COL5A1: variants seen among roughly 807,000 people sequenced by gnomAD.
COL5A1 encodes collagen type V alpha 1 chain.
Under a neutral mutation model 263.7 loss-of-function variants are expected in COL5A1, and 16 were observed. That is an observed-to-expected ratio of 0.06 (90% CI 0.04 to 0.09). The LOEUF is 0.09. COL5A1 is among the 10% of genes least tolerant of loss of function. The probability of loss-of-function intolerance (pLI) is 1.00; values close to 1 mark genes in which losing one functional copy is unlikely to be tolerated. For missense variants in COL5A1, 2,036 were observed against 2,540.5 expected (o/e 0.80, Z 4.27); for synonymous variants, 1,012 against 1,004.5 (o/e 1.01, Z -0.14).
At chr9:134,816,935 G>C in intron 52 of COL5A1, 91 bp from the exon 53 acceptor site, 1 of 1,183,990 alleles carries the variant, frequency 8.4e-7, no homozygotes, top group Non-Finnish European at 1.3e-6. Flanking sequence ...GCTGGCCGAG[G>C]AGTAAATAGA....
In COL5A1 at chr9:134,818,536, C is replaced by T. The variant is rs1189893772; in HGVS notation, c.4231-120C>T. On this transcript the variant is annotated intron_variant, in intron 54 of 65. Transcript: ENST00000371817. The surrounding 1 kb of genome is among the most constrained non-coding windows in gnomAD (Gnocchi z 6.0). ...GAAATGTGGAGAATTAGGGCAACCC[C>T]GGATATGGGGTCACCTGGGACTCCT... is the stretch of plus-strand genomic sequence containing the variant. 6 of 725,668 alleles carry T rather than the reference C, an allele frequency of 8.3e-6. No homozygotes were observed. The highest frequency in any genetic ancestry group is 3.5e-5 in the African/African-American group (2 of 56,508). 45.0% of individuals were successfully genotyped at this position (725,668 alleles called of 1,614,324 possible).
chr9:134,787,579 T>C (rs1035432564), intron 31 of COL5A1, among the ~76,000 whole-genome samples: 4 of 152,224 alleles, frequency 2.6e-5, no homozygotes, highest in African/African-American at 9.6e-5. Flanking sequence ...TGTTTGGATA[T>C]TCACCAGGTC....
At chr9:134,667,469 G>A (rs1832394681) in intron 1 of COL5A1, among the ~76,000 whole-genome samples, 1 of 152,178 alleles carries the variant, frequency 6.6e-6, no homozygotes, top group Non-Finnish European at 1.5e-5. Flanking sequence ...CTTGGAAGTG[G>A]TGTGGCCGGT....
intron 32 of COL5A1, among the ~76,000 whole-genome samples, chr9:134,790,505 C>CCCACCCAT (rs1837644446): frequency 3.7e-5 from 3 of 80,882 alleles, no homozygotes; most frequent in East Asian, 5.2e-4. Context: ...CACCCACCCA[C>CCCACCCAT]CCACCCATCC....
Position 134,806,203 on chromosome 9 carries a change from G to T in COL5A1, c.3273G>T (p.Glu1091Asp). 1 of 1,550,754 alleles carries T rather than the reference G, an allele frequency of 6.4e-7. No individual in the cohort carries two copies. The change falls in exon 42 of 66, where the codon GAG (glutamate) becomes GAT (aspartate). Residue 1091 changes from glutamate to aspartate, a missense_variant. Around this residue, in one of 3 missense-constraint regions of COL5A1, gnomAD observed 1,078 missense variants for 1,521.4 expected, o/e 0.71. Transcript: ENST00000371817. ...CTCCACCTCAGGGATCTCCAGGGGA[G>T]AGAGGTCCAGCTGGAGCCGCTGGGC... Reference protein sequence around the residue: ...GPPGPAGSPGERGPAGAAGPI... With the variant: ...GPPGPAGSPGDRGPAGAAGPI...
intron 1 of COL5A1, among the ~76,000 whole-genome samples, chr9:134,657,174 AGG>A (rs1259638016): frequency 1.4e-4 from 1 of 7,164 alleles, no homozygotes; most frequent in Non-Finnish European, 2.5e-4. Flanking sequence ...GGGTTGGGGC[AGG>A]GGGTGCAGTT....
At chr9:134,798,517 C>T (rs913123863) in intron 37 of COL5A1, 56 bp downstream of exon 37, 37 of 1,547,182 alleles carry the variant, frequency 2.4e-5, no homozygotes, top group East Asian at 2.0e-4. Context: ...CCACCCTGCA[C>T]GTGGGCACAG....
At chr9:134,685,114 T>TCATC (rs767814449) in intron 1 of COL5A1, among the ~76,000 whole-genome samples, 147 of 11,168 alleles carry the variant, frequency 0.013, no homozygotes, top group Non-Finnish European at 0.02. Context: ...ATCCATCCAT[T>TCATC]CATCCATCCA....
At chr9:134,786,434 C>T (rs567748903) in intron 31 of COL5A1, among the ~76,000 whole-genome samples, 9 of 152,298 alleles carry the variant, frequency 5.9e-5, no homozygotes, top group African/African-American at 1.7e-4. Context: ...CTGCCCCAGT[C>T]GGCACAGACA....
intron 65 of COL5A1, among the ~76,000 whole-genome samples, chr9:134,840,887 A>C (rs1167721742): frequency 6.6e-6 from 1 of 152,162 alleles, no homozygotes; most frequent in Non-Finnish European, 1.5e-5. Context: ...CCACCTCCTA[A>C]TACCATCTTT....
intron 4 of COL5A1, among the ~76,000 whole-genome samples, chr9:134,726,297 T>A (rs769869309): frequency 9.2e-5 from 14 of 151,990 alleles, no homozygotes; most frequent in Non-Finnish European, 1.6e-4. Context: ...GATAGACAGA[T>A]GAATGGATGG....
chr9:134,778,340 G>A (rs564082058), intron 27 of COL5A1, among the ~76,000 whole-genome samples: 2 of 152,350 alleles, frequency 1.3e-5, no homozygotes, highest in East Asian at 1.9e-4. Flanking sequence ...GCTGCCAAGC[G>A]CGTGCTGTGC....
chr9:134,700,821 AC>A lies in COL5A1; in HGVS notation c.492-348del, dbSNP rs1239411725. 6.6e-6 allele frequency among the ~76,000 whole-genome samples: 1 copy of A among 152,120 alleles called. No individual in the cohort carries two copies. The highest frequency in any genetic ancestry group is 1.5e-5 in the Non-Finnish European group (1 of 68,022). On this transcript the variant is annotated intron_variant, in intron 3 of 65. Transcript: ENST00000371817. This position sits in a 1 kb window ranked among gnomAD's most constrained non-coding sequence, Gnocchi z 4.0. ...CCCTGCCATTCTCCCGATGGCTGTG[AC>A]CGCACCGCAGGGACCACGCTCCCAG...
At position 134,741,589 on chromosome 9, in the gene COL5A1, T is replaced by C. The variant is rs547864220; in HGVS notation, c.1494+2781T>C. Among the ~76,000 whole-genome samples the C allele has an allele frequency of 6.7e-6, 1 of 149,078 alleles. No homozygotes were observed. Among genetic ancestry groups the C allele is most frequent in the Non-Finnish European group, 1.5e-5 (1 of 67,400 alleles). On this transcript the variant is annotated intron_variant, in intron 11 of 65. Transcript: ENST00000371817. The surrounding 1 kb of genome is among the most constrained non-coding windows in gnomAD (Gnocchi z 4.5). ...GTGATAAGGGGCGCTCTCCAAATCC[T>C]GGTACAGAAGCAGAGGCAGGAGGGT... is the stretch of plus-strand genomic sequence containing the variant.
chr9:134,776,638 G>A (rs1194110094), intron 27 of COL5A1, among the ~76,000 whole-genome samples: 1 of 152,252 alleles, frequency 6.6e-6, no homozygotes, highest in Non-Finnish European at 1.5e-5. Context: ...CATTTGAGGT[G>A]AATAGTCCTT....
chr9:134,790,261 A>G (rs143703013), intron 32 of COL5A1, among the ~76,000 whole-genome samples: 28 of 152,258 alleles, frequency 1.8e-4, no homozygotes, highest in Middle Eastern at 3.4e-3. Context: ...CAAGGAGACT[A>G]TTATCTCCAT....
rs545613435 is a variant in COL5A1, at chr9:134,652,279, C to T, written c.109+9983C>T. On this transcript the variant is annotated intron_variant, in intron 1 of 65. Coordinates refer to ENST00000371817, the MANE Select transcript of COL5A1 (RefSeq NM_000093.5). This position sits in a 1 kb window ranked among gnomAD's most constrained non-coding sequence, Gnocchi z 4.4. ...AGCTGAAGGTTGAGAACACACAGGG[C>T]GTCCTTGGGCCGGTGTGGCGGTAAC... 4.6e-5 allele frequency among the ~76,000 whole-genome samples: 7 copies of T among 152,072 alleles called. No individual in the cohort carries two copies. The highest frequency in any genetic ancestry group is 2.6e-4 in the Admixed American group (4 of 15,274).
At chr9:134,720,491 T>A (rs576878386) in intron 4 of COL5A1, among the ~76,000 whole-genome samples, 1 of 152,338 alleles carries the variant, frequency 6.6e-6, no homozygotes, top group South Asian at 2.1e-4. Flanking sequence ...GAAGTCGTGA[T>A]CCTAGCTTTG....
intron 11 of COL5A1, among the ~76,000 whole-genome samples, chr9:134,747,004 A>G (rs1835539756): frequency 6.6e-6 from 1 of 152,174 alleles, no homozygotes; most frequent in African/African-American, 2.4e-5. Flanking sequence ...CAAAGTCTTT[A>G]CGTTAGAGAC....
Sources: allele counts gnomAD v4.1 joint callset (sites outside exome capture counted in the v4.1 genomes callset), GRCh38; gene constraint gnomAD v4.1.1; regional missense constraint gnomAD v4.1.1; non-coding constraint Gnocchi (gnomAD v3.1); transcripts MANE v1.5; gene names NCBI Gene and HGNC (gene_info 2026-07-23, HGNC 2026-07-21).